Variants in ANK2 observed in about 807,000 individuals in gnomAD.
ANK2 encodes the protein ankyrin-2.
In ANK2, 83 loss-of-function variants were observed where a neutral mutation model predicts 360.5. That is an observed-to-expected ratio of 0.23 (90% CI 0.19 to 0.28). ANK2 has a LOEUF of 0.28. ANK2 is among the 10% of genes least tolerant of loss of function. The pLI, the probability that ANK2 is intolerant of heterozygous loss-of-function variation, is 1.00. For missense variants in ANK2, 4,201 were observed against 4,795.7 expected (o/e 0.88, Z 3.66); for synonymous variants, 1,740 against 1,759.5 (o/e 0.99, Z 0.28).
At chr4:112,727,184 A>G in the ANK2 span, among the ~76,000 whole-genome samples, 2 of 152,156 alleles carry the variant, frequency 1.3e-5, no homozygotes, top group African/African-American at 4.8e-5. Context: ...TGGAGAGAAC[A>G]TAAGATTTAG....
intron 2 of ANK2, among the ~76,000 whole-genome samples, chr4:113,033,610 T>C (rs900855539): frequency 6.6e-6 from 1 of 152,032 alleles, no homozygotes; most frequent in Non-Finnish European, 1.5e-5. Context: ...TGTGTGCGTG[T>C]GTGTGTGTGT....
chr4:112,949,121 G>A (rs971784378), intron 2 of ANK2, among the ~76,000 whole-genome samples: 1 of 152,116 alleles, frequency 6.6e-6, no homozygotes, highest in Non-Finnish European at 1.5e-5. Flanking sequence ...GTGTTCTTGG[G>A]CTGTGCCTGT....
At chr4:112,863,031 T>G (rs2068670777) in intron 1 of ANK2, among the ~76,000 whole-genome samples, 2 of 152,242 alleles carry the variant, frequency 1.3e-5, no homozygotes, top group Non-Finnish European at 2.9e-5. Flanking sequence ...TATTAAATGC[T>G]TTGCCATTTT....
chr4:112,755,589 G>A, the ANK2 span, among the ~76,000 whole-genome samples: 1 of 152,126 alleles, frequency 6.6e-6, no homozygotes, highest in Non-Finnish European at 1.5e-5. Context: ...ACTTCTTAAG[G>A]GTGGGGGAGA....
At chr4:112,993,659 G>A (rs2047607061) in intron 2 of ANK2, among the ~76,000 whole-genome samples, 1 of 151,348 alleles carries the variant, frequency 6.6e-6, no homozygotes, top group Admixed American at 6.6e-5. Flanking sequence ...AGCATTAAAA[G>A]AAACAAAAGG....
intron 24 of ANK2, among the ~76,000 whole-genome samples, chr4:113,315,032 A>AT (rs1201890659): frequency 1.3e-5 from 2 of 151,914 alleles, no homozygotes; most frequent in African/African-American, 2.4e-5. Flanking sequence ...ACTCTAATCA[A>AT]TTTTTTGTGA....
At chr4:112,750,159 C>T in the ANK2 span, among the ~76,000 whole-genome samples, 7 of 152,214 alleles carry the variant, frequency 4.6e-5, no homozygotes, top group East Asian at 1.9e-4. Flanking sequence ...TGGCTGGGTG[C>T]AGTGGCTCAC....
At chr4:113,022,115 C>A in intron 2 of ANK2, among the ~76,000 whole-genome samples, 1 of 152,094 alleles carries the variant, frequency 6.6e-6, no homozygotes, top group Non-Finnish European at 1.5e-5. Flanking sequence ...GAGACAGACC[C>A]TACCTGGGAA....
chr4:112,931,647 C>T (rs1434779990), intron 2 of ANK2, among the ~76,000 whole-genome samples: 1 of 151,846 alleles, frequency 6.6e-6, no homozygotes, highest in Admixed American at 6.6e-5. Flanking sequence ...CCTTGTTGGC[C>T]AGGCTGGCGT....
At chr4:112,864,785 C>T (rs1429576473) in intron 1 of ANK2, among the ~76,000 whole-genome samples, 1 of 150,852 alleles carries the variant, frequency 6.6e-6, no homozygotes, top group East Asian at 2.0e-4. Context: ...GTAATACTAG[C>T]ACTTTGGGAG....
At chr4:113,244,033 T>C (rs1257084909) in intron 9 of ANK2, among the ~76,000 whole-genome samples, 2 of 152,152 alleles carry the variant, frequency 1.3e-5, no homozygotes, top group African/African-American at 2.4e-5. Context: ...GGGTATACAA[T>C]TAAAAAGTCT....
chr4:113,260,803 G>C (rs893151111), intron 13 of ANK2, among the ~76,000 whole-genome samples: 1 of 152,138 alleles, frequency 6.6e-6, no homozygotes, highest in Non-Finnish European at 1.5e-5. Context: ...CAGAACATGA[G>C]GATATAGCTA....
At chr4:112,828,494 A>G (rs1471648377) in intron 1 of ANK2, among the ~76,000 whole-genome samples, 1 of 152,096 alleles carries the variant, frequency 6.6e-6, no homozygotes, top group Non-Finnish European at 1.5e-5. Flanking sequence ...CGGACTCCCA[A>G]AGTGTTGGGA....
intron 2 of ANK2, among the ~76,000 whole-genome samples, chr4:113,031,080 T>C (rs1048081243): frequency 1.3e-5 from 2 of 152,054 alleles, no homozygotes; most frequent in African/African-American, 4.8e-5. Context: ...AGATTTAAGA[T>C]ATTTGCTTGC....
At chr4:113,169,306 T>C (rs2154410207) in intron 1 of ANK2, among the ~76,000 whole-genome samples, 1 of 152,330 alleles carries the variant, frequency 6.6e-6, no homozygotes, top group East Asian at 1.9e-4. Context: ...TTTTAACTTA[T>C]CCTACATGCC....
At chr4:113,285,055 T>C (rs1297906653) in intron 18 of ANK2, among the ~76,000 whole-genome samples, 2 of 152,218 alleles carry the variant, frequency 1.3e-5, no homozygotes, top group East Asian at 1.9e-4. Flanking sequence ...GATCCGTCGT[T>C]GGGTCCACCA....
chr4:113,091,165 G>A (rs1023712224), intron 1 of ANK2, among the ~76,000 whole-genome samples: 11 of 152,136 alleles, frequency 7.2e-5, no homozygotes, highest in Admixed American at 5.9e-4. Flanking sequence ...TAATACTTCA[G>A]CACAGATTGT....
At chr4:113,177,685 T>A (rs1168750540) in intron 2 of ANK2, among the ~76,000 whole-genome samples, 1 of 152,184 alleles carries the variant, frequency 6.6e-6, no homozygotes, top group Non-Finnish European at 1.5e-5. Flanking sequence ...CTTAGCTTCT[T>A]GAGTTAGCTT....
chr4:112,848,100 G>T (rs759163303), intron 1 of ANK2, among the ~76,000 whole-genome samples: 5 of 152,094 alleles, frequency 3.3e-5, no homozygotes, highest in African/African-American at 7.2e-5. Context: ...TTCCTCATCA[G>T]AAAAATCAAT....
Sources: allele counts gnomAD v4.1 joint callset (sites outside exome capture counted in the v4.1 genomes callset), GRCh38; gene constraint gnomAD v4.1.1; transcripts MANE v1.5; gene names NCBI Gene and HGNC (gene_info 2026-07-23, HGNC 2026-07-21).